The following DYNC1I1 variants were observed in gnomAD, a reference collection of about 807,000 sequenced individuals.
DYNC1I1 encodes the protein dynein cytoplasmic 1 intermediate chain 1.
A neutral mutation model predicts 86.6 loss-of-function variants in DYNC1I1; 43 were observed. The observed-to-expected ratio is 0.50, with a 90% CI of 0.39 to 0.64. The LOEUF (loss-of-function observed/expected upper bound fraction) is 0.64, where lower values mean the gene tolerates loss of function less well. Ranked by LOEUF, DYNC1I1 falls within the 30% of genes least tolerant of loss-of-function variation. DYNC1I1 has a pLI of 0.00. For synonymous variants in DYNC1I1, 262 were observed against 283.7 expected (o/e 0.92, Z 0.77); for missense variants, 604 against 788.8 (o/e 0.77, Z 2.81).
At chr7:95,981,066 G>A (rs1233538912) in intron 7 of DYNC1I1, among the ~76,000 whole-genome samples, 1 of 151,844 alleles carries the variant, frequency 6.6e-6, no homozygotes, top group East Asian at 1.9e-4. Flanking sequence ...TTTTTATATT[G>A]AAATTTAAAG....
chr7:96,102,732 A>G (rs183681216), downstream of DYNC1I1, among the ~76,000 whole-genome samples: 154 of 152,318 alleles, frequency 1.0e-3, no homozygotes, highest in Non-Finnish European at 1.8e-3. Context: ...AATGGTGTCA[A>G]TGGTGGGAAA....
chr7:95,993,333 T>G (rs1382710746), intron 9 of DYNC1I1, among the ~76,000 whole-genome samples: 4 of 152,176 alleles, frequency 2.6e-5, no homozygotes, highest in African/African-American at 9.7e-5. Context: ...GTTTTAAAGC[T>G]AAATAATTTT....
chr7:95,918,381 C>G (rs1336886246), intron 6 of DYNC1I1, among the ~76,000 whole-genome samples: 1 of 152,138 alleles, frequency 6.6e-6, no homozygotes, highest in Non-Finnish European at 1.5e-5. Flanking sequence ...TTCCTTTCAG[C>G]CATTTCCTTT....
At chr7:95,853,594 A>C (rs1004711133) in intron 5 of DYNC1I1, among the ~76,000 whole-genome samples, 1 of 152,210 alleles carries the variant, frequency 6.6e-6, no homozygotes, top group Non-Finnish European at 1.5e-5. Flanking sequence ...TCTTTTCTAG[A>C]AAATGTTCCA....
chr7:96,089,587 C>A (rs537537850), intron 16 of DYNC1I1, among the ~76,000 whole-genome samples: 1 of 152,118 alleles, frequency 6.6e-6, no homozygotes, highest in Non-Finnish European at 1.5e-5. Flanking sequence ...TTTCCCTCCC[C>A]TCCTGTGCTT....
At chr7:95,851,538 A>G (rs1028471035) in intron 5 of DYNC1I1, among the ~76,000 whole-genome samples, 2 of 152,198 alleles carry the variant, frequency 1.3e-5, no homozygotes, top group African/African-American at 4.8e-5. Context: ...TCATGGGACT[A>G]TCTTTGCATC....
At chr7:95,999,988 C>G (rs1277452854) in intron 10 of DYNC1I1, among the ~76,000 whole-genome samples, 1 of 151,902 alleles carries the variant, frequency 6.6e-6, no homozygotes, top group African/African-American at 2.4e-5. Context: ...TATATTTTGA[C>G]CAGAGAAGTG....
At chr7:95,851,228 C>T (rs1789569809) in intron 5 of DYNC1I1, among the ~76,000 whole-genome samples, 1 of 152,130 alleles carries the variant, frequency 6.6e-6, no homozygotes, top group Admixed American at 6.5e-5. Flanking sequence ...AGCCACCATG[C>T]CTGGCCAATA....
At chr7:95,862,145 A>AT (rs918440232) in intron 5 of DYNC1I1, among the ~76,000 whole-genome samples, 1 of 152,152 alleles carries the variant, frequency 6.6e-6, no homozygotes, top group Non-Finnish European at 1.5e-5. Context: ...TTAGGCAATG[A>AT]TTTTTTTAGA....
chr7:96,046,921 A>G (rs1272027112), intron 14 of DYNC1I1, among the ~76,000 whole-genome samples: 1 of 152,192 alleles, frequency 6.6e-6, no homozygotes, highest in East Asian at 1.9e-4. Context: ...GGAAATTCCC[A>G]CAATGTAATT....
chr7:95,908,268 A>C (rs546996107), intron 6 of DYNC1I1, among the ~76,000 whole-genome samples: 2 of 152,268 alleles, frequency 1.3e-5, no homozygotes, highest in Admixed American at 6.5e-5. Context: ...CCTATCATGG[A>C]GCTCTCTAGT....
At chr7:95,824,926 G>A (rs1795171318) in intron 4 of DYNC1I1, among the ~76,000 whole-genome samples, 1 of 152,162 alleles carries the variant, frequency 6.6e-6, no homozygotes, top group African/African-American at 2.4e-5. Flanking sequence ...TTGCATATTG[G>A]CTTTAAGTTC....
chr7:95,793,359 G>A (rs184029632), intron 1 of DYNC1I1, among the ~76,000 whole-genome samples: 14 of 152,166 alleles, frequency 9.2e-5, no homozygotes, highest in South Asian at 6.2e-4. Flanking sequence ...TTATTGGGTG[G>A]TACTTGGACA....
chr7:95,859,730 AG>A (rs578096666), intron 5 of DYNC1I1, among the ~76,000 whole-genome samples: 2 of 152,344 alleles, frequency 1.3e-5, no homozygotes, highest in South Asian at 4.1e-4. Context: ...GAGTCCACCT[AG>A]CAGGCATAAA....
chr7:96,049,030 C>T (rs1789305168), intron 14 of DYNC1I1, among the ~76,000 whole-genome samples: 1 of 152,018 alleles, frequency 6.6e-6, no homozygotes, highest in Admixed American at 6.6e-5. Context: ...GAGGCCGAGG[C>T]AGGCAGATCA....
chr7:95,964,782 T>C (rs1474019372), intron 6 of DYNC1I1, among the ~76,000 whole-genome samples: 1 of 151,918 alleles, frequency 6.6e-6, no homozygotes, highest in African/African-American at 2.4e-5. Context: ...TTAACTGGGG[T>C]TGGAAGAGGG....
chr7:95,902,791 A>G (rs1584143542), intron 6 of DYNC1I1, among the ~76,000 whole-genome samples: 2 of 152,240 alleles, frequency 1.3e-5, no homozygotes, highest in African/African-American at 2.4e-5. Context: ...AGGGAGTTCA[A>G]CGTGTTCTTT....
At chr7:95,839,343 T>C (rs1397646450) in intron 5 of DYNC1I1, among the ~76,000 whole-genome samples, 2 of 152,218 alleles carry the variant, frequency 1.3e-5, no homozygotes, top group Non-Finnish European at 2.9e-5. Flanking sequence ...CTTTCTCTTT[T>C]TCTTCTATGT....
chr7:95,870,386 CA>C (rs991511991), intron 6 of DYNC1I1, among the ~76,000 whole-genome samples: 4 of 6,510 alleles, frequency 6.1e-4, no homozygotes, highest in African/African-American at 6.5e-4. Flanking sequence ...AACTATAGCC[CA>C]CCCACCTGTT....
Sources: allele counts gnomAD v4.1 joint callset (sites outside exome capture counted in the v4.1 genomes callset), GRCh38; gene constraint gnomAD v4.1.1; transcripts MANE v1.5; gene names NCBI Gene and HGNC (gene_info 2026-07-23, HGNC 2026-07-21).